TREML2: variants seen among roughly 807,000 people sequenced by gnomAD.
TREML2 encodes triggering receptor expressed on myeloid cells like 2, also known as trem-like transcript 2 protein.
TREML2 carries 24 observed loss-of-function variants against 25.9 expected under a neutral mutation model. That is an observed-to-expected ratio of 0.93 (90% CI 0.67 to 1.30). The LOEUF (loss-of-function observed/expected upper bound fraction) is 1.30, where lower values mean the gene tolerates loss of function less well. TREML2 is among the 50% of genes most tolerant of loss of function. TREML2 has a pLI of 0.00. For missense variants in TREML2, 359 were observed against 395.6 expected (o/e 0.91, Z 0.78); for synonymous variants, 139 against 155.2 (o/e 0.90, Z 0.77).
chr6:41,196,231 T>G (rs1766158832), intron 2 of TREML2, among the ~76,000 whole-genome samples: 1 of 152,218 alleles, frequency 6.6e-6, no homozygotes. Context: ...TATTAAGACT[T>G]CAGTGAACCA....
rs1487347741 is a variant in TREML2 at position 41,190,039 on chromosome 6, C to T, written c.*2388G>A. Among the ~76,000 whole-genome samples, 1 of 152,146 alleles carries T rather than the reference C, an allele frequency of 6.6e-6. No individual in the cohort carries two copies. Among genetic ancestry groups the T allele is most frequent in the Non-Finnish European group, 1.5e-5 (1 of 68,028 alleles). Reference sequence around the variant, plus strand: ...ATTGCAGGCATGTTTGGGCAAGTCACCTGTGTAGTCTGTCTTATCTATGAG... The same window carrying T: ...ATTGCAGGCATGTTTGGGCAAGTCATCTGTGTAGTCTGTCTTATCTATGAG... On this transcript the variant is annotated 3_prime_UTR_variant, in exon 5 of 5. Transcript: ENST00000483722.
chr6:41,191,168 CCTGTGT>C lies in TREML2; in HGVS notation c.*1253_*1258del, dbSNP rs1265568808. ...TCCAGTCACTCCAGGTCAGTAGACACCTGTGTGTGTGTGTGTGTGTGTGTGTGTGTG... is the reference window on the plus strand; with the variant it reads ...TCCAGTCACTCCAGGTCAGTAGACACGTGTGTGTGTGTGTGTGTGTGTGTG... On this transcript the variant is annotated 3_prime_UTR_variant, in exon 5 of 5. Transcript: ENST00000483722. The C allele has an allele frequency of 0.013, 1,543 of 120,004 alleles. 20 individuals carry two copies. The highest frequency in any genetic ancestry group is 0.035 in the South Asian group (122 of 3,490). 7.4% of individuals were successfully genotyped at this position (120,004 alleles called of 1,614,324 possible). A position where few individuals can be genotyped will look rare whatever the true frequency, so the allele number is the denominator to read the frequency against.
intron 1 of TREML2, among the ~76,000 whole-genome samples, chr6:41,199,146 G>A (rs1481268664): frequency 6.6e-6 from 1 of 152,224 alleles, no homozygotes; most frequent in Admixed American, 6.5e-5. Flanking sequence ...GCAGGCGTGA[G>A]CCACTGTGCC....
chr6:41,200,641 G>C (rs1766257619), intron 1 of TREML2, among the ~76,000 whole-genome samples: 1 of 152,206 alleles, frequency 6.6e-6, no homozygotes, highest in East Asian at 1.9e-4. Flanking sequence ...AGGGCTTCCT[G>C]ACAGAGGCCA....
intron 3 of TREML2, among the ~76,000 whole-genome samples, chr6:41,193,251 A>G (rs1226580152): frequency 6.6e-6 from 1 of 151,914 alleles, no homozygotes; most frequent in Admixed American, 6.6e-5. Context: ...CCCCCACTCT[A>G]TCCTCTGTAG....
rs1456334911 is a variant in TREML2 at position 41,198,543 on chromosome 6, C to T, written c.56-114G>A. On this transcript the variant is annotated intron_variant, in intron 1 of 4. Transcript: ENST00000483722. ...TGGATATTGTCCTGCTGTCACAGAA[C>T]CCACAGATTGAGGGGGAAATACAGC... 14 of 1,168,748 alleles carry T rather than the reference C, an allele frequency of 1.2e-5. No individual in the cohort carries two copies. The Admixed American group carries it at 3.4e-4, about 29-fold the overall frequency. The allele number at this position is 1,168,748 out of a possible 1,614,324, so 72.4% of individuals were successfully genotyped here.
At position 41,192,413 on chromosome 6, in the gene TREML2, A is replaced by G; in HGVS notation, c.*14T>C. ...CACTCTGGGAGAAGCTCCCCACCCC[A>G]TGCTTAAGTGGCCTCAGATCAAGTA... On this transcript the variant is annotated 3_prime_UTR_variant, in exon 5 of 5. Transcript: ENST00000483722. The G allele has an allele frequency of 6.2e-7, 1 of 1,611,596 alleles. No individual in the cohort carries two copies. The highest frequency in any genetic ancestry group is 8.5e-7 in the Non-Finnish European group (1 of 1,178,152).
chr6:41,200,929 A>G, intron 1 of TREML2, 25 bp downstream of exon 1: 1 of 1,516,604 alleles, frequency 6.6e-7, no homozygotes, highest in Non-Finnish European at 8.8e-7. Flanking sequence ...TCCCTCCTCC[A>G]CAAGTCAGCC....
chr6:41,194,502 G>C lies in TREML2; in HGVS notation c.708C>G (p.Ser236Arg), dbSNP rs897223564. The C allele has an allele frequency of 6.2e-7, 1 of 1,613,366 alleles. No homozygotes were observed. The highest frequency in any genetic ancestry group is 1.7e-5 in the Admixed American group (1 of 59,908). Residue 236 changes from serine to arginine, a missense_variant, in exon 3 of 5, where the codon AGC becomes AGG. Ser to Arg is a moderately radical substitution (Grantham distance 110). Coordinates refer to ENST00000483722, the MANE Select transcript of TREML2 (RefSeq NM_024807.4). Reference sequence around the variant, plus strand: ...AGAGCCCTGTGGTGGGCGATCTGGTGCTGAGGTCCCCAGACTTAGTGGAGA... The same window carrying C: ...AGAGCCCTGTGGTGGGCGATCTGGTCCTGAGGTCCCCAGACTTAGTGGAGA... ...ESISTKSGDLSTRSPTTGLCL... is the reference protein window; with the variant it reads ...ESISTKSGDLRTRSPTTGLCL...
In TREML2 at chr6:41,192,065, A is replaced by C; in HGVS notation, c.*362T>G. On this transcript the variant is annotated 3_prime_UTR_variant, in exon 5 of 5. Coordinates refer to ENST00000483722, the MANE Select transcript of TREML2 (RefSeq NM_024807.4). ...GGTGGGGAGGGCAGCTCAGCCCAAT[A>C]GGGTTTCTGAGGCAGACGGGAGCTG... 3.8e-6 allele frequency: 1 copy of C among 263,078 alleles called. No individual in the cohort carries two copies. Among genetic ancestry groups the C allele is most frequent in the Non-Finnish European group, 7.5e-6 (1 of 133,358 alleles). The allele number at this position is 263,078 out of a possible 1,614,324, so 16.3% of individuals were successfully genotyped here.
chr6:41,197,722 A>G (rs1418229969), intron 2 of TREML2, among the ~76,000 whole-genome samples: 1 of 152,220 alleles, frequency 6.6e-6, no homozygotes, highest in Admixed American at 6.5e-5. Flanking sequence ...CATCTCCCAT[A>G]GTGCAGGATT....
In TREML2 at chr6:41,190,570, A is replaced by C. The variant is rs909440147; in HGVS notation, c.*1857T>G. On this transcript the variant is annotated 3_prime_UTR_variant, in exon 5 of 5. Transcript: ENST00000483722. The stretch of plus-strand genomic sequence containing the variant: ...TATTGTCCTCTTTCACAAGACAGGA[A>C]AAATGAGGCCAAGGGTTAGTGACTT... 6.6e-6 allele frequency: 1 copy of C among 152,242 alleles called. No homozygotes were observed. The highest frequency in any genetic ancestry group is 1.5e-5 in the Non-Finnish European group (1 of 68,052). The allele number at this position is 152,242 out of a possible 1,614,324, so 9.4% of individuals were successfully genotyped here.
chr6:41,192,586 T>C, intron 4 of TREML2, 80 bp from the exon 5 acceptor site: 1 of 1,420,828 alleles, frequency 7.0e-7, no homozygotes, highest in Non-Finnish European at 9.8e-7. Flanking sequence ...CCCCAGCCCC[T>C]TTCTGGCTCT....
intron 3 of TREML2, among the ~76,000 whole-genome samples, 162 bp from the exon 4 acceptor site, chr6:41,193,063 C>A (rs1766096712): frequency 6.6e-6 from 1 of 152,114 alleles, no homozygotes; most frequent in Non-Finnish European, 1.5e-5. Flanking sequence ...AGTGTGACAT[C>A]CGGAGTTAAG....
At chr6:41,193,015 C>T (rs1011759799) in intron 3 of TREML2, 114 bp from the exon 4 acceptor site, 9 of 772,232 alleles carry the variant, frequency 1.2e-5, no homozygotes, top group Admixed American at 3.3e-5. Flanking sequence ...CCGGGGTAGA[C>T]GGCCACCCTC....
rs1438044109 is a variant in TREML2, at chr6:41,198,327, T to A, written c.158A>T (p.Lys53Met). The change falls in exon 2 of 5, where the codon AAG (lysine) becomes ATG (methionine). Residue 53 changes from lysine (K) to methionine (M), a missense_variant. Lys to Met is a moderately conservative substitution (Grantham distance 95). Coordinates refer to ENST00000483722, the MANE Select transcript of TREML2 (RefSeq NM_024807.4). Reference protein sequence around the residue: ...YKGYKNRVEGKVWCKIRKKKC... With the variant: ...YKGYKNRVEGMVWCKIRKKKC... ...CTTCTTCCTGATTTTGCACCAAACC[T>A]TGCCCTCCACGCGGTTTTTGTAGCC... 1 of 1,614,158 alleles carries A rather than the reference T, an allele frequency of 6.2e-7. No homozygotes were observed. Among genetic ancestry groups the A allele is most frequent in the Non-Finnish European group, 8.5e-7 (1 of 1,179,998 alleles).
chr6:41,196,547 A>G (rs1013860404), intron 2 of TREML2, among the ~76,000 whole-genome samples: 8 of 152,318 alleles, frequency 5.3e-5, no homozygotes, highest in Admixed American at 4.6e-4. Flanking sequence ...TAAGAACTTT[A>G]TTGAGATATA....
chr6:41,190,957 G>A lies in TREML2; in HGVS notation c.*1470C>T, dbSNP rs1766046420. On this transcript the variant is annotated 3_prime_UTR_variant, in exon 5 of 5. Transcript: ENST00000483722. ...TCTATTGCCCTCTCCTGGACATAGG[G>A]AAGAAGTGCCTCCTCCCTGCTGTCC... The A allele has an allele frequency of 6.6e-6, 1 of 152,288 alleles. No homozygotes were observed. Among genetic ancestry groups the A allele is most frequent in the Non-Finnish European group, 1.5e-5 (1 of 68,206 alleles). The allele number at this position is 152,288 out of a possible 1,614,324, so 9.4% of individuals were successfully genotyped here. A position where few individuals can be genotyped will look rare whatever the true frequency, so the allele number is the denominator to read the frequency against.
At chr6:41,198,476 A>G in intron 1 of TREML2, 47 bp from the exon 2 acceptor site, 1 of 1,536,700 alleles carries the variant, frequency 6.5e-7, no homozygotes, top group Admixed American at 1.9e-5. Flanking sequence ...GAGGAGAGGA[A>G]GAAGACATCA....
Sources: allele counts gnomAD v4.1 joint callset (sites outside exome capture counted in the v4.1 genomes callset), GRCh38; gene constraint gnomAD v4.1.1; transcripts MANE v1.5; gene names NCBI Gene and HGNC (gene_info 2026-07-23, HGNC 2026-07-21).